Variants in MRE11 observed in about 807,000 individuals in gnomAD.
MRE11 encodes the protein double-strand break repair protein MRE11.
MRE11 carries 62 observed loss-of-function variants against 91.7 expected under a neutral mutation model. That is an observed-to-expected ratio of 0.68 (90% CI 0.55 to 0.84). The LOEUF (loss-of-function observed/expected upper bound fraction) is 0.84. Ranked by LOEUF, MRE11 falls within the 40% of genes least tolerant of loss-of-function variation. The pLI is 0.00. For synonymous variants in MRE11, 273 were observed against 271.4 expected (o/e 1.01, Z -0.06); for missense variants, 796 against 852.9 (o/e 0.93, Z 0.83).
chr11:94,462,152 C>G (rs928956815), intron 11 of MRE11, among the ~76,000 whole-genome samples: 1 of 152,062 alleles, frequency 6.6e-6, no homozygotes, highest in Non-Finnish European at 1.5e-5. Context: ...AACAGAGAGC[C>G]AAATCATGAG....
rs1018503911 is a variant in MRE11, at chr11:94,416,214, C to T, written c.*3911G>A. 6.6e-6 allele frequency: 1 copy of T among 152,170 alleles called. No homozygotes were observed. The highest frequency in any genetic ancestry group is 6.5e-5 in the Admixed American group (1 of 15,278). The allele number at this position is 152,170 out of a possible 1,614,324, so 9.4% of individuals were successfully genotyped here. On this transcript the variant is annotated 3_prime_UTR_variant, in exon 20 of 20. Coordinates refer to ENST00000323929, the MANE Select transcript of MRE11 (RefSeq NM_005591.4). ...GGAGAGGATTAAAGGTAAGCACACA[C>T]ATTTTAATACACATTCAATGTCTGA...
chr11:94,443,894 C>T (rs1945853472), intron 16 of MRE11, among the ~76,000 whole-genome samples: 1 of 151,076 alleles, frequency 6.6e-6, no homozygotes, highest in African/African-American at 2.4e-5. Flanking sequence ...GTTAGATATC[C>T]TAAATCCTAA....
At chr11:94,496,396 AAAC>A (rs1391010395), upstream of MRE11, among the ~76,000 whole-genome samples, 1 of 152,200 alleles carries the variant, frequency 6.6e-6, no homozygotes, top group African/African-American at 2.4e-5. Flanking sequence ...ACTTAGAAGA[AAAC>A]AACAAAAGTA....
At position 94,419,980 on chromosome 11, in the gene MRE11, C is replaced by T. The variant is rs746862649; in HGVS notation, c.*145G>A. 8.3e-6 allele frequency: 5 copies of T among 600,178 alleles called. No homozygotes were observed. Among genetic ancestry groups the T allele is most frequent in the African/African-American group, 1.9e-5 (1 of 53,976 alleles). 37.2% of individuals were successfully genotyped at this position (600,178 alleles called of 1,614,324 possible). A position where few individuals can be genotyped will look rare whatever the true frequency, so the allele number is the denominator to read the frequency against. On this transcript the variant is annotated 3_prime_UTR_variant, in exon 20 of 20. Coordinates refer to ENST00000323929, the MANE Select transcript of MRE11 (RefSeq NM_005591.4). ...GTTAAAAAAACAAGGTGAATCAATG[C>T]TATTGTATGTCTGTGAACTAGAAAT...
chr11:94,503,826 C>CAAAA, the MRE11 span, among the ~76,000 whole-genome samples: 49 of 87,084 alleles, frequency 5.6e-4, no homozygotes, highest in African/African-American at 9.4e-4. Flanking sequence ...GACTCCGTCT[C>CAAAA]AAAAAAAAAA....
the MRE11 span, among the ~76,000 whole-genome samples, chr11:94,503,787 A>G: frequency 7.1e-6 from 1 of 140,742 alleles, no homozygotes; most frequent in Admixed American, 7.9e-5. Flanking sequence ...AGATCCCGCC[A>G]CTGCACTCCA....
At position 94,418,453 on chromosome 11, in the gene MRE11, T is replaced by C; in HGVS notation, c.*1672A>G. On this transcript the variant is annotated 3_prime_UTR_variant, in exon 20 of 20. Transcript: ENST00000323929. ...ACTTGTCAGGATACTTTAGTGACCA[T>C]TCCCTCACTATAACTCTCACCCAGA... The C allele has an allele frequency of 4.3e-6, 1 of 231,744 alleles. No individual in the cohort carries two copies. Among genetic ancestry groups the C allele is most frequent in the East Asian group, 6.1e-5 (1 of 16,420 alleles). The allele number at this position is 231,744 out of a possible 1,614,324, so 14.4% of individuals were successfully genotyped here. A position where few individuals can be genotyped will look rare whatever the true frequency, so the allele number is the denominator to read the frequency against.
intron 7 of MRE11, chr11:94,475,394 T>C: frequency 6.5e-6 from 2 of 306,408 alleles, no homozygotes; most frequent in Non-Finnish European, 1.3e-5. Flanking sequence ...ATCCCAGGAT[T>C]TTAGGTCCTG....
chr11:94,464,902 C>A (rs1946520203), intron 10 of MRE11, among the ~76,000 whole-genome samples: 1 of 152,204 alleles, frequency 6.6e-6, no homozygotes, highest in South Asian at 2.1e-4. Flanking sequence ...TGGGGACCAG[C>A]ACTGCACCAC....
At chr11:94,429,391 T>C (rs1945404314) in intron 19 of MRE11, among the ~76,000 whole-genome samples, 1 of 152,230 alleles carries the variant, frequency 6.6e-6, no homozygotes, top group Non-Finnish European at 1.5e-5. Flanking sequence ...TCATGTTTAC[T>C]GCAGCACTTA....
chr11:94,439,687 G>GACTTAATATGCATAGACACTGC (rs1358882415), intron 16 of MRE11, among the ~76,000 whole-genome samples: 1 of 152,186 alleles, frequency 6.6e-6, no homozygotes, highest in Non-Finnish European at 1.5e-5. Flanking sequence ...GACACTGCCT[G>GACTTAATATGCATAGACACTGC]ATACTTCACA....
intron 3 of MRE11, among the ~76,000 whole-genome samples, chr11:94,489,881 T>A (rs566890298): frequency 6.6e-6 from 1 of 152,298 alleles, no homozygotes; most frequent in African/African-American, 2.4e-5. Flanking sequence ...CTCTTCCTTA[T>A]CTACCTATTT....
chr11:94,450,668 A>G (rs562162291), intron 14 of MRE11, among the ~76,000 whole-genome samples: 1 of 152,170 alleles, frequency 6.6e-6, no homozygotes, highest in Non-Finnish European at 1.5e-5. Context: ...CTAGAAAATC[A>G]TAACAAGAAT....
the MRE11 span, among the ~76,000 whole-genome samples, chr11:94,499,973 G>A: frequency 3.3e-5 from 5 of 152,058 alleles, no homozygotes; most frequent in South Asian, 2.1e-4. Context: ...CTGAATCATC[G>A]TGACAACAGG....
chr11:94,443,670 C>T (rs1372987983), intron 16 of MRE11, among the ~76,000 whole-genome samples: 1 of 152,158 alleles, frequency 6.6e-6, no homozygotes, highest in Non-Finnish European at 1.5e-5. Flanking sequence ...ACGAATGCGC[C>T]TCATGGGAGT....
intron 19 of MRE11, among the ~76,000 whole-genome samples, chr11:94,427,572 A>G (rs482629): frequency 0.48 from 72,842 of 151,886 alleles, 17,692 homozygotes; most frequent in South Asian, 0.61. Flanking sequence ...GAAAGAAAAG[A>G]CATCCAAACA....
chr11:94,460,922 C>A lies in MRE11; in HGVS notation c.1326+14G>T. On this transcript the variant is annotated intron_variant, in intron 12 of 19. Coordinates refer to ENST00000323929, the MANE Select transcript of MRE11 (RefSeq NM_005591.4). Reference sequence around the variant, plus strand: ...AGGTAGCCATTATTCAAAATGTGAACTGTAAGAAATTACCTTCTCTGCGGT... The same window carrying A: ...AGGTAGCCATTATTCAAAATGTGAAATGTAAGAAATTACCTTCTCTGCGGT... 6.3e-7 allele frequency: 1 copy of A among 1,598,514 alleles called. No individual in the cohort carries two copies. The highest frequency in any genetic ancestry group is 8.6e-7 in the Non-Finnish European group (1 of 1,166,492).
chr11:94,461,522 T>A (rs1946414083), intron 11 of MRE11, among the ~76,000 whole-genome samples: 1 of 152,132 alleles, frequency 6.6e-6, no homozygotes, highest in Admixed American at 6.5e-5. Flanking sequence ...TCATACTGAA[T>A]GGACAAAAAC....
At chr11:94,440,075 A>G (rs1405730913) in intron 16 of MRE11, among the ~76,000 whole-genome samples, 1 of 152,212 alleles carries the variant, frequency 6.6e-6, no homozygotes, top group Non-Finnish European at 1.5e-5. Context: ...GACTGACCCA[A>G]TGGACCTGAC....
Sources: gnomAD v4.1 joint callset for allele counts (sites outside exome capture counted in the v4.1 genomes callset) on GRCh38, gnomAD v4.1.1 for gene constraint, MANE v1.5 for transcripts, NCBI Gene and HGNC (gene_info 2026-07-23, HGNC 2026-07-21) for gene names.